LRIG1: variants seen among roughly 807,000 people sequenced by gnomAD.
LRIG1 encodes the protein leucine rich repeats and immunoglobulin like domains 1.
LRIG1 carries 48 observed loss-of-function variants against 99.2 expected under a neutral mutation model. That is an observed-to-expected ratio of 0.48 (90% CI 0.38 to 0.62). The LOEUF (loss-of-function observed/expected upper bound fraction) is 0.62. Among genes scored for constraint, LRIG1 ranks in the 20% least tolerant of loss-of-function variants. The pLI is 0.00. For missense variants in LRIG1, 1,646 were observed against 1,434.4 expected, an observed-to-expected ratio of 1.15 and a Z score of -2.38; for synonymous variants, 772 against 596.1, an observed-to-expected ratio of 1.29 and a Z score of -4.30.
At chr3:66,482,718 C>T (rs534874301) in intron 1 of LRIG1, among the ~76,000 whole-genome samples, 12 of 152,226 alleles carry the variant, frequency 7.9e-5, no homozygotes, top group African/African-American at 2.9e-4. Flanking sequence ...TAGGAAAAAG[C>T]CTAAATGCCC....
chr3:66,439,111 G>A (rs1703458835), intron 3 of LRIG1, among the ~76,000 whole-genome samples: 1 of 152,190 alleles, frequency 6.6e-6, no homozygotes, highest in Non-Finnish European at 1.5e-5. Flanking sequence ...TAGCCCGTGA[G>A]GAAAGCCAGG....
intron 3 of LRIG1, among the ~76,000 whole-genome samples, chr3:66,420,195 G>A (rs1702758145): frequency 6.6e-6 from 1 of 152,168 alleles, no homozygotes; most frequent in Admixed American, 6.5e-5. Flanking sequence ...ATGAGAAGAT[G>A]ATCAACATCA....
intron 1 of LRIG1, among the ~76,000 whole-genome samples, chr3:66,493,008 C>G (rs969602276): frequency 6.6e-6 from 1 of 152,174 alleles, no homozygotes; most frequent in African/African-American, 2.4e-5. Flanking sequence ...AGTTACTATG[C>G]AATTCCAAAC....
intron 7 of LRIG1, chr3:66,409,781 T>G (rs903470511): frequency 2.9e-5 from 6 of 209,550 alleles, no homozygotes; most frequent in Non-Finnish European, 5.8e-5. Context: ...AAATGGCTCC[T>G]GTGAGCACTC....
intron 3 of LRIG1, among the ~76,000 whole-genome samples, chr3:66,424,469 C>T (rs577395395): frequency 9.2e-5 from 14 of 152,316 alleles, no homozygotes; most frequent in African/African-American, 3.1e-4. Flanking sequence ...TCGCTCAACC[C>T]GGCATTCCAC....
intron 7 of LRIG1, among the ~76,000 whole-genome samples, chr3:66,408,269 G>C (rs984096209): frequency 6.6e-6 from 1 of 152,194 alleles, no homozygotes; most frequent in Non-Finnish European, 1.5e-5. Flanking sequence ...GCTAGGAGCA[G>C]CATTCTTTCC....
chr3:66,398,272 C>A, intron 10 of LRIG1, 89 bp from the exon 11 acceptor site: 1 of 964,268 alleles, frequency 1.0e-6, no homozygotes. Flanking sequence ...AGATGACCCA[C>A]AGGGACTAGC....
intron 9 of LRIG1, among the ~76,000 whole-genome samples, chr3:66,400,509 G>A (rs188201678): frequency 8.1e-4 from 124 of 152,308 alleles, no homozygotes; most frequent in Non-Finnish European, 1.3e-3. Flanking sequence ...GATTCTCAGC[G>A]TCAACAGGTC....
intron 9 of LRIG1, among the ~76,000 whole-genome samples, chr3:66,402,482 G>C (rs1702096324): frequency 6.6e-6 from 1 of 152,180 alleles, no homozygotes; most frequent in African/African-American, 2.4e-5. Context: ...TTCACAGAGA[G>C]GCCGTTTATG....
chr3:66,415,134 C>T, intron 4 of LRIG1, 71 bp from the exon 5 acceptor site: 1 of 1,468,516 alleles, frequency 6.8e-7, no homozygotes, highest in Non-Finnish European at 9.2e-7. Flanking sequence ...AGACACCAGA[C>T]CTCTCTGGGT....
intron 3 of LRIG1, among the ~76,000 whole-genome samples, chr3:66,447,941 C>T (rs1703780763): frequency 6.6e-6 from 1 of 152,102 alleles, no homozygotes; most frequent in Admixed American, 6.5e-5. Flanking sequence ...AGCTTCTGCC[C>T]CCATTTAACA....
At chr3:66,424,724 T>TA (rs946942543) in intron 3 of LRIG1, among the ~76,000 whole-genome samples, 1 of 152,226 alleles carries the variant, frequency 6.6e-6, no homozygotes, top group African/African-American at 2.4e-5. Context: ...GCCCCTGACT[T>TA]ACGATGGTTC....
intron 2 of LRIG1, among the ~76,000 whole-genome samples, chr3:66,452,394 T>C (rs1047548872): frequency 1.3e-5 from 2 of 152,234 alleles, no homozygotes; most frequent in South Asian, 4.1e-4. Flanking sequence ...CCCCAGAGGC[T>C]GTGCAATCTG....
At chr3:66,396,050 C>T (rs946051992) in intron 11 of LRIG1, among the ~76,000 whole-genome samples, 1 of 152,264 alleles carries the variant, frequency 6.6e-6, no homozygotes, top group Non-Finnish European at 1.5e-5. Flanking sequence ...TGATCAGACA[C>T]ATGTAGAAAG....
chr3:66,394,381 C>T (rs1323425787), intron 11 of LRIG1, among the ~76,000 whole-genome samples, 178 bp from the exon 12 acceptor site: 2 of 152,166 alleles, frequency 1.3e-5, no homozygotes, highest in Non-Finnish European at 2.9e-5. Context: ...TGCATATAAC[C>T]CACCTGGAGA....
intron 3 of LRIG1, among the ~76,000 whole-genome samples, chr3:66,424,231 C>A (rs528880100): frequency 6.1e-4 from 93 of 152,106 alleles, no homozygotes; most frequent in Middle Eastern, 3.4e-3. Flanking sequence ...TGGATGACAC[C>A]CCCCACCCCC....
chr3:66,473,696 T>C (rs973647512), intron 1 of LRIG1, among the ~76,000 whole-genome samples: 5 of 152,222 alleles, frequency 3.3e-5, no homozygotes, highest in African/African-American at 1.2e-4. Context: ...TACCCACAAC[T>C]TTTCAAGAAT....
intron 3 of LRIG1, among the ~76,000 whole-genome samples, chr3:66,433,360 G>C (rs572312129): frequency 6.6e-5 from 10 of 152,344 alleles, no homozygotes; most frequent in African/African-American, 2.4e-4. Flanking sequence ...ACAGAGAGGG[G>C]ACTGTGGGTG....
chr3:66,482,549 G>T (rs1279951964), intron 1 of LRIG1, among the ~76,000 whole-genome samples: 1 of 152,220 alleles, frequency 6.6e-6, no homozygotes, highest in Non-Finnish European at 1.5e-5. Flanking sequence ...GAGGGTGTGG[G>T]ACAAGCACAA....
Sources: gnomAD v4.1 joint callset for allele counts (sites outside exome capture counted in the v4.1 genomes callset) on GRCh38, gnomAD v4.1.1 for gene constraint, MANE v1.5 for transcripts, NCBI Gene and HGNC (gene_info 2026-07-23, HGNC 2026-07-21) for gene names.